Variants in INTS13 observed in about 807,000 individuals in gnomAD.
INTS13 encodes asunder, spermatogenesis regulator homolog (Drosphila).
Under a neutral mutation model 90.2 loss-of-function variants are expected in INTS13, and 35 were observed. The observed-to-expected ratio is 0.39, with a 90% CI of 0.30 to 0.51. The LOEUF (loss-of-function observed/expected upper bound fraction) is 0.51. Among genes scored for constraint, INTS13 ranks in the 20% least tolerant of loss-of-function variants. The pLI, the probability that INTS13 is intolerant of heterozygous loss-of-function variation, is 0.80. For synonymous variants in INTS13, 309 were observed against 277.1 expected, an observed-to-expected ratio of 1.11 and a Z score of -1.14; for missense variants, 601 against 851.2, an observed-to-expected ratio of 0.71 and a Z score of 3.66.
In INTS13 at chr12:26,905,498, C is replaced by T. The variant is rs528155853; in HGVS notation, c.2120G>A (p.Ter707=). 1 of 1,611,594 alleles carries T rather than the reference C, an allele frequency of 6.2e-7. No individual in the cohort carries two copies. The highest frequency in any genetic ancestry group is 8.5e-7 in the Non-Finnish European group (1 of 1,179,110). ...AAATTTAGTTCTTCAAGTCACTCTTCACTGCCGGCTGGCTTTTCCATTTTC... is the reference window on the plus strand; with the variant it reads ...AAATTTAGTTCTTCAAGTCACTCTTTACTGCCGGCTGGCTTTTCCATTTTC... ...TTENGKASRQ[*] Residue 707 remains the stop codon, a stop_retained_variant, in exon 17 of 17, where the codon TGA becomes TAA. Coordinates refer to ENST00000261191, the MANE Select transcript of INTS13 (RefSeq NM_018164.3).
In INTS13 at chr12:26,925,804, G is replaced by T; in HGVS notation, c.632C>A (p.Pro211Gln). 1 of 1,612,836 alleles carries T rather than the reference G, an allele frequency of 6.2e-7. No individual in the cohort carries two copies. Among genetic ancestry groups the T allele is most frequent in the Non-Finnish European group, 8.5e-7 (1 of 1,179,286 alleles). Reference sequence around the variant, plus strand: ...AGATACAAGGCTGTCTTCACCAACTGGGTAGGTGTGGATCAAGACCAACTC... The same window carrying T: ...AGATACAAGGCTGTCTTCACCAACTTGGTAGGTGTGGATCAAGACCAACTC... ...KCELVLIHTYPVGEDSLVSDR... is the reference protein window; with the variant it reads ...KCELVLIHTYQVGEDSLVSDR... The change falls in exon 6 of 17, where the codon CCA becomes CAA. Residue 211 changes from proline to glutamine, a missense_variant. By Grantham distance (76) the Pro-to-Gln change is moderately conservative. Around this residue, in one of 3 missense-constraint regions of INTS13, gnomAD observed 284 missense variants for 387.7 expected, o/e 0.73. Transcript: ENST00000261191.
intron 2 of INTS13, among the ~76,000 whole-genome samples, chr12:26,935,479 T>A (rs1271893661): frequency 6.6e-6 from 1 of 152,220 alleles, no homozygotes; most frequent in African/African-American, 2.4e-5. Flanking sequence ...CCAAGGCTTA[T>A]CTGACAGGGA....
chr12:26,910,362 G>A (rs1951735459), intron 15 of INTS13, among the ~76,000 whole-genome samples: 1 of 152,126 alleles, frequency 6.6e-6, no homozygotes, highest in African/African-American at 2.4e-5. Context: ...CTTCATTAAT[G>A]AAAGTATAAC....
chr12:26,921,782 C>T (rs971342581), intron 8 of INTS13, among the ~76,000 whole-genome samples: 20 of 152,172 alleles, frequency 1.3e-4, no homozygotes, highest in East Asian at 9.6e-4. Context: ...GAGCCTCACA[C>T]GTAACCAGGA....
At chr12:26,934,187 A>C (rs1027332108) in intron 3 of INTS13, among the ~76,000 whole-genome samples, 2 of 152,216 alleles carry the variant, frequency 1.3e-5, no homozygotes, top group African/African-American at 4.8e-5. Flanking sequence ...AGGCAGGTGA[A>C]TCTATTGAAC....
intron 6 of INTS13, among the ~76,000 whole-genome samples, chr12:26,924,776 T>C (rs184544183): frequency 0.012 from 1,893 of 152,262 alleles, 20 homozygotes; most frequent in Non-Finnish European, 0.018. Context: ...AGTGAAATAT[T>C]TAAATATATT....
chr12:26,909,213 T>A (rs1592195057), intron 15 of INTS13, among the ~76,000 whole-genome samples: 1 of 152,008 alleles, frequency 6.6e-6, no homozygotes, highest in Non-Finnish European at 1.5e-5. Flanking sequence ...ATATAAAAAT[T>A]AGCTGGGTGT....
rs568566234 is a variant in INTS13, at chr12:26,928,564, A to G, written c.503+139T>C. The G allele has an allele frequency of 2.7e-4, 231 of 865,398 alleles. 1 individual carries two copies. In the African/African-American group the frequency reaches 3.5e-3, roughly 13 times the overall value. The allele number at this position is 865,398 out of a possible 1,614,324, so 53.6% of individuals were successfully genotyped here. On this transcript the variant is annotated intron_variant, in intron 4 of 16. Coordinates refer to ENST00000261191, the MANE Select transcript of INTS13 (RefSeq NM_018164.3). ...CTCAATATTAAAAGGCAAAAAAAAA[A>G]AAAAGAAAAAAATCAGAAAGGCCAC...
Position 26,935,413 on chromosome 12 carries a change from G to A in INTS13, c.226-783C>T, listed in dbSNP as rs146664827. ...TCTATGATCTTTTTCCCTATATATC[G>A]ATGAAATACCAGTTTTCCTTCCTCC... On this transcript the variant is annotated intron_variant, in intron 2 of 16. Coordinates refer to ENST00000261191, the MANE Select transcript of INTS13 (RefSeq NM_018164.3). 5.2e-4 allele frequency among the ~76,000 whole-genome samples: 79 copies of A among 152,014 alleles called. 1 individual carries two copies. In the East Asian group the frequency reaches 0.011, roughly 20 times the overall value.
intron 8 of INTS13, among the ~76,000 whole-genome samples, 180 bp from the exon 9 acceptor site, chr12:26,917,913 G>A (rs899434632): frequency 1.3e-5 from 2 of 152,034 alleles, no homozygotes; most frequent in Non-Finnish European, 2.9e-5. Flanking sequence ...CACGAGGTCA[G>A]GAGTTCAAGA....
In INTS13 at chr12:26,928,850, C is replaced by T. The variant is rs1472466826; in HGVS notation, c.356G>A (p.Cys119Tyr). 2 of 1,614,086 alleles carry T rather than the reference C, an allele frequency of 1.2e-6. No homozygotes were observed. The highest frequency in any genetic ancestry group is 1.7e-6 in the Non-Finnish European group (2 of 1,180,044). The part of the protein sequence containing the change: ...GPPNPRADPE[C>Y]CSILHGLVAA... ...AACAAGGCCATGCAGAATACTGCAG[C>T]ACTCTGGATCTGCCCGAGGATTAGG... is the stretch of plus-strand genomic sequence containing the variant. The change falls in exon 4 of 17, where the codon TGC (cysteine) becomes TAC (tyrosine). Residue 119 changes from cysteine to tyrosine, a missense_variant. Coordinates refer to ENST00000261191, the MANE Select transcript of INTS13 (RefSeq NM_018164.3).
intron 4 of INTS13, among the ~76,000 whole-genome samples, 195 bp downstream of exon 4, chr12:26,928,508 G>A (rs1457206661): frequency 6.9e-6 from 1 of 145,626 alleles, no homozygotes; most frequent in African/African-American, 2.6e-5. Flanking sequence ...TTTTCAATGA[G>A]ATAAGTCTTT....
At chr12:26,926,900 C>T (rs1464184464) in intron 5 of INTS13, among the ~76,000 whole-genome samples, 1 of 152,216 alleles carries the variant, frequency 6.6e-6, no homozygotes, top group East Asian at 1.9e-4. Context: ...CATTCAGCCC[C>T]ACTCTGCTAT....
chr12:26,931,999 A>G (rs903558366), intron 3 of INTS13, among the ~76,000 whole-genome samples: 9 of 145,858 alleles, frequency 6.2e-5, no homozygotes, highest in African/African-American at 2.3e-4. Flanking sequence ...AGGCCGGAGA[A>G]TTGCTTGAAC....
chr12:26,916,199 C>A lies in INTS13; in HGVS notation c.1070-19G>T. ...GAACGACCTGTCAAAAACAAGATTA[C>A]ACTATCAGTAATGAAACTCAAATGG... On this transcript the variant is annotated intron_variant, in intron 10 of 16. Transcript: ENST00000261191. 1 of 1,584,288 alleles carries A rather than the reference C, an allele frequency of 6.3e-7. No individual in the cohort carries two copies. The highest frequency in any genetic ancestry group is 1.1e-5 in the South Asian group (1 of 87,676).
At chr12:26,923,219 G>A (rs568694250) in intron 7 of INTS13, among the ~76,000 whole-genome samples, 1 of 152,060 alleles carries the variant, frequency 6.6e-6, no homozygotes, top group South Asian at 2.1e-4. Flanking sequence ...AAAACACAAA[G>A]ATTGAAGAGT....
At chr12:26,914,640 T>A in intron 11 of INTS13, 62 bp from the exon 12 acceptor site, 1 of 1,329,844 alleles carries the variant, frequency 7.5e-7, no homozygotes. Context: ...ATGGATTACA[T>A]GTACTAGTCT....
At position 26,916,169 on chromosome 12, in the gene INTS13, A is replaced by G. The variant is rs1426021659; in HGVS notation, c.1081T>C (p.Leu361=). 6.2e-7 allele frequency: 1 copy of G among 1,608,736 alleles called. No homozygotes were observed. The highest frequency in any genetic ancestry group is 2.2e-5 in the East Asian group (1 of 44,814). ...TNFLLNGRSV[L]LEQPRKSGSK... is the part of the protein sequence containing the mutation. ...CCTGACTTTCGTGGTTGTTCCAATA[A>G]AACAGAACGACCTGTCAAAAACAAG... Residue 361 remains leucine, a synonymous_variant, in exon 11 of 17, where the codon TTA becomes CTA. Coordinates refer to ENST00000261191, the MANE Select transcript of INTS13 (RefSeq NM_018164.3).
chr12:26,936,862 AC>A, intron 1 of INTS13, 48 bp from the exon 2 acceptor site: 1 of 1,244,478 alleles, frequency 8.0e-7, no homozygotes, highest in Non-Finnish European at 1.1e-6. Context: ...ATAACATCTT[AC>A]ATTTTTTCTA....
Sources: gnomAD v4.1 joint callset for allele counts (sites outside exome capture counted in the v4.1 genomes callset) on GRCh38, gnomAD v4.1.1 for gene constraint, gnomAD v4.1.1 regional missense constraint, MANE v1.5 for transcripts, NCBI Gene and HGNC (gene_info 2026-07-23, HGNC 2026-07-21) for gene names.